SLC35F4: variants seen among roughly 807,000 people sequenced by gnomAD.
SLC35F4 encodes the protein chromosome 14 open reading frame 36.
A neutral mutation model predicts 44.2 loss-of-function variants in SLC35F4; 24 were observed. That is an observed-to-expected ratio of 0.54 (90% CI 0.39 to 0.76). SLC35F4 has a LOEUF of 0.76. SLC35F4 is among the 30% of genes least tolerant of loss of function. The pLI is 0.00. For missense variants in SLC35F4, 562 were observed against 586.1 expected, an observed-to-expected ratio of 0.96 and a Z score of 0.42; for synonymous variants, 238 against 223.6, an observed-to-expected ratio of 1.06 and a Z score of -0.57.
chr14:57,666,881 T>A (rs1028367199), intron 1 of SLC35F4, among the ~76,000 whole-genome samples: 4 of 152,040 alleles, frequency 2.6e-5, no homozygotes, highest in African/African-American at 7.2e-5. Context: ...ATACAATACC[T>A]ACAACAGTCT....
intron 1 of SLC35F4, among the ~76,000 whole-genome samples, chr14:57,803,793 T>C (rs1880966035): frequency 6.6e-6 from 1 of 151,946 alleles, no homozygotes; most frequent in Non-Finnish European, 1.5e-5. Flanking sequence ...TTTCACCACA[T>C]TGGCCAGGCT....
chr14:57,589,554 T>G, intron 2 of SLC35F4, 41 bp from the exon 3 acceptor site: 1 of 1,533,212 alleles, frequency 6.5e-7, no homozygotes. Context: ...GAAAGCAGGT[T>G]ATGAAACAGC....
chr14:57,724,733 C>A (rs2076162473), intron 1 of SLC35F4, among the ~76,000 whole-genome samples: 1 of 152,168 alleles, frequency 6.6e-6, no homozygotes, highest in Non-Finnish European at 1.5e-5. Context: ...GGGCTTGGTT[C>A]ACAGATGGTT....
At chr14:57,776,665 CAAAAAAAA>C (rs57272978) in intron 1 of SLC35F4, among the ~76,000 whole-genome samples, 6 of 72,072 alleles carry the variant, frequency 8.3e-5, no homozygotes, top group Admixed American at 1.9e-4. Context: ...GACTCCATCT[CAAAAAAAA>C]AAAAAAAAAA....
intron 1 of SLC35F4, among the ~76,000 whole-genome samples, chr14:57,721,596 G>A (rs887978690): frequency 1.3e-5 from 2 of 152,172 alleles, no homozygotes; most frequent in African/African-American, 4.8e-5. Context: ...GCCATGAAAA[G>A]TGCATGCACA....
intron 1 of SLC35F4, among the ~76,000 whole-genome samples, chr14:57,853,498 T>A (rs1437396248): frequency 6.6e-6 from 1 of 152,170 alleles, no homozygotes; most frequent in African/African-American, 2.4e-5. Flanking sequence ...CTGGCAGCCA[T>A]GATTGGGAAA....
At chr14:57,640,215 A>C (rs1204788557) in intron 1 of SLC35F4, among the ~76,000 whole-genome samples, 2 of 151,936 alleles carry the variant, frequency 1.3e-5, no homozygotes, top group African/African-American at 4.8e-5. Flanking sequence ...GTGTTCCAAC[A>C]TCTTGACTTT....
intron 1 of SLC35F4, among the ~76,000 whole-genome samples, chr14:57,738,195 C>A (rs1037399700): frequency 6.6e-6 from 1 of 152,158 alleles, no homozygotes; most frequent in African/African-American, 2.4e-5. Flanking sequence ...CTGTACCCAT[C>A]TGTTGATTGC....
intron 1 of SLC35F4, among the ~76,000 whole-genome samples, chr14:57,739,769 T>G (rs1348895507): frequency 6.6e-6 from 1 of 152,196 alleles, no homozygotes; most frequent in African/African-American, 2.4e-5. Context: ...TCACAAGTAA[T>G]AATTCCTACC....
chr14:57,751,844 T>C (rs1284576083), intron 1 of SLC35F4, among the ~76,000 whole-genome samples: 2 of 152,202 alleles, frequency 1.3e-5, no homozygotes, highest in African/African-American at 4.8e-5. Flanking sequence ...CTTCACTAAA[T>C]TTTTAATGTC....
chr14:57,813,154 C>T (rs187654850), intron 1 of SLC35F4, among the ~76,000 whole-genome samples: 1 of 152,316 alleles, frequency 6.6e-6, no homozygotes, highest in East Asian at 1.9e-4. Flanking sequence ...GATCCAGCAT[C>T]CTCACTTCCC....
At chr14:57,796,735 C>T (rs1320437312) in intron 1 of SLC35F4, among the ~76,000 whole-genome samples, 3 of 152,060 alleles carry the variant, frequency 2.0e-5, no homozygotes, top group African/African-American at 2.4e-5. Flanking sequence ...TGGCTCCTGG[C>T]CATAGCAGAT....
chr14:57,853,657 G>A lies in SLC35F4; in HGVS notation c.103+12066C>T, dbSNP rs76595558. Reference sequence around the variant, plus strand: ...GTCTGCTCTCTTGAATAGAGGACACGTAAACGCTGGAACTGCTGGCAGTGG... The same window carrying A: ...GTCTGCTCTCTTGAATAGAGGACACATAAACGCTGGAACTGCTGGCAGTGG... On this transcript the variant is annotated intron_variant, in intron 1 of 7. Coordinates refer to ENST00000556826, the MANE Select transcript of SLC35F4 (RefSeq NM_001306087.2). Among the ~76,000 whole-genome samples the A allele has an allele frequency of 5.1e-3, 775 of 152,226 alleles. 9 individuals are homozygous for A. Among genetic ancestry groups the A allele is most frequent in the African/African-American group, 0.018 (742 of 41,564 alleles).
At chr14:57,906,569 A>ATT (rs1161067695) in intron 1 of SLC35F4, among the ~76,000 whole-genome samples, 1 of 152,198 alleles carries the variant, frequency 6.6e-6, no homozygotes, top group Non-Finnish European at 1.5e-5. Context: ...TTGTGGGAGA[A>ATT]TTTCTACGGA....
intron 1 of SLC35F4, among the ~76,000 whole-genome samples, chr14:57,672,903 T>A (rs2074566785): frequency 6.6e-6 from 1 of 152,112 alleles, no homozygotes; most frequent in Non-Finnish European, 1.5e-5. Flanking sequence ...TTTGTTTGTT[T>A]TTTGTTTTTT....
At chr14:57,865,637 G>C in intron 1 of SLC35F4, 86 bp downstream of exon 1, 1 of 1,135,424 alleles carries the variant, frequency 8.8e-7, no homozygotes, top group Non-Finnish European at 1.2e-6. Flanking sequence ...TCCGTACCGC[G>C]CGCCCGCCCG....
intron 1 of SLC35F4, among the ~76,000 whole-genome samples, chr14:57,666,140 G>T (rs1215075589): frequency 6.6e-6 from 1 of 152,192 alleles, no homozygotes. Context: ...AATAAAGCTT[G>T]TCATAGGAAA....
upstream of SLC35F4, among the ~76,000 whole-genome samples, chr14:57,870,861 T>C (rs7151208): frequency 0.46 from 69,974 of 152,136 alleles, 19,101 homozygotes; most frequent in African/African-American, 0.76. Context: ...CTTTCAACCA[T>C]GGGTAATGAT....
chr14:57,671,650 C>T (rs1237965515), intron 1 of SLC35F4, among the ~76,000 whole-genome samples: 1 of 151,858 alleles, frequency 6.6e-6, no homozygotes. Flanking sequence ...AGACTCAGTA[C>T]ATAACCAGCG....
Sources: allele counts gnomAD v4.1 joint callset (sites outside exome capture counted in the v4.1 genomes callset), GRCh38; gene constraint gnomAD v4.1.1; transcripts MANE v1.5; gene names NCBI Gene and HGNC (gene_info 2026-07-23, HGNC 2026-07-21).